The following PNPT1 variants were observed in gnomAD, a reference collection of about 807,000 sequenced individuals.
PNPT1 encodes polyribonucleotide nucleotidyltransferase 1, mitochondrial.
Under a neutral mutation model 119.5 loss-of-function variants are expected in PNPT1, and 53 were observed. The observed-to-expected ratio is 0.44, with a 90% CI of 0.36 to 0.56. PNPT1 has a LOEUF of 0.56. Ranked by LOEUF, PNPT1 falls within the 20% of genes least tolerant of loss-of-function variation. The pLI, the probability that PNPT1 is intolerant of heterozygous loss-of-function variation, is 0.00. For synonymous variants in PNPT1, 357 were observed against 322.1 expected (o/e 1.11, Z -1.16); for missense variants, 948 against 938.5 (o/e 1.01, Z -0.13).
At chr2:55,644,398 A>C (rs1304085160) in intron 23 of PNPT1, among the ~76,000 whole-genome samples, 1 of 152,194 alleles carries the variant, frequency 6.6e-6, no homozygotes, top group Admixed American at 6.5e-5. Context: ...AAAATGTTGC[A>C]AAAAAGTCCT....
intron 4 of PNPT1, among the ~76,000 whole-genome samples, chr2:55,684,486 G>C (rs1381617580): frequency 6.6e-6 from 1 of 152,166 alleles, no homozygotes; most frequent in African/African-American, 2.4e-5. Flanking sequence ...TTTCTGGGTA[G>C]AAGAGCTATA....
chr2:55,649,932 G>A (rs115860947), intron 18 of PNPT1, among the ~76,000 whole-genome samples: 304 of 152,222 alleles, frequency 2.0e-3, no homozygotes, highest in African/African-American at 7.2e-3. Flanking sequence ...CTATTCCATG[G>A]AATACTGAAT....
chr2:55,666,643 C>G (rs961743187), intron 13 of PNPT1, among the ~76,000 whole-genome samples: 1 of 152,060 alleles, frequency 6.6e-6, no homozygotes, highest in Admixed American at 6.6e-5. Flanking sequence ...AGTTTGAGAC[C>G]AGCTTGGGCA....
Position 55,660,213 on chromosome 2 carries a change from T to G in PNPT1, c.1248-20A>C, listed in dbSNP as rs770273029. The G allele has an allele frequency of 6.4e-7, 1 of 1,573,414 alleles. No individual in the cohort carries two copies. The highest frequency in any genetic ancestry group is 1.2e-5 in the South Asian group (1 of 83,668). On this transcript the variant is annotated intron_variant, in intron 14 of 27. Transcript: ENST00000447944. ...ATCCCACTAAAAATAAAAGGCATAA[T>G]ATTAAAAACATCATAGGGAAAAAAC...
chr2:55,692,363 T>A (rs1314433919), intron 1 of PNPT1, among the ~76,000 whole-genome samples: 1 of 152,176 alleles, frequency 6.6e-6, no homozygotes, highest in Non-Finnish European at 1.5e-5. Flanking sequence ...CAACTACTTA[T>A]CAAAGTTAGA....
intron 19 of PNPT1, 87 bp from the exon 20 acceptor site, chr2:55,646,573 T>A: frequency 9.4e-7 from 1 of 1,063,870 alleles, no homozygotes; most frequent in Non-Finnish European, 1.4e-6. Context: ...AAAAACAGCT[T>A]TAGAAGTAAA....
intron 18 of PNPT1, among the ~76,000 whole-genome samples, chr2:55,651,069 G>C (rs1696172841): frequency 2.7e-5 from 4 of 145,976 alleles, no homozygotes; most frequent in Admixed American, 2.7e-4. Context: ...CCAGGAGGGA[G>C]GTGGGGGGGT....
chr2:55,644,544 A>G lies in PNPT1; in HGVS notation c.1906+93T>C, dbSNP rs1405238318. 3 of 830,014 alleles carry G rather than the reference A, an allele frequency of 3.6e-6. No individual in the cohort carries two copies. The African/African-American group carries it at 5.2e-5, about 15-fold the overall frequency. The allele number at this position is 830,014 out of a possible 1,614,324, so 51.4% of individuals were successfully genotyped here. On this transcript the variant is annotated intron_variant, in intron 23 of 27. Coordinates refer to ENST00000447944, the MANE Select transcript of PNPT1 (RefSeq NM_033109.5). ...GGTCTTTCTCTCATTTCTCAAATAAATATATATTTAAAGCAACATACTAGA... is the reference window on the plus strand; with the variant it reads ...GGTCTTTCTCTCATTTCTCAAATAAGTATATATTTAAAGCAACATACTAGA...
intron 8 of PNPT1, 69 bp downstream of exon 8, chr2:55,679,613 A>T: frequency 1.8e-6 from 2 of 1,141,714 alleles, no homozygotes; most frequent in Non-Finnish European, 2.6e-6. Context: ...CACAGAGTTT[A>T]AATTCAGTTT....
At chr2:55,681,908 G>A (rs1697260337) in intron 5 of PNPT1, among the ~76,000 whole-genome samples, 1 of 151,076 alleles carries the variant, frequency 6.6e-6, no homozygotes, top group African/African-American at 2.4e-5. Flanking sequence ...TTGGGAGGCT[G>A]AGGCGGGCAG....
At chr2:55,666,129 A>G (rs954095442) in intron 13 of PNPT1, among the ~76,000 whole-genome samples, 2 of 152,230 alleles carry the variant, frequency 1.3e-5, no homozygotes, top group Non-Finnish European at 1.5e-5. Flanking sequence ...ATAATTCTAG[A>G]AAATGCAAAC....
At chr2:55,690,904 G>C (rs931901455) in intron 1 of PNPT1, among the ~76,000 whole-genome samples, 1 of 152,180 alleles carries the variant, frequency 6.6e-6, no homozygotes, top group African/African-American at 2.4e-5. Flanking sequence ...TAGTATCACA[G>C]ACCTGCAACA....
intron 13 of PNPT1, among the ~76,000 whole-genome samples, chr2:55,664,149 T>C (rs1696663521): frequency 6.6e-6 from 1 of 152,246 alleles, no homozygotes; most frequent in African/African-American, 2.4e-5. Context: ...ATTACTTCTT[T>C]AAAATACATG....
Position 55,693,772 on chromosome 2 carries a change from C to T in PNPT1, c.52G>A (p.Asp18Asn). The T allele has an allele frequency of 1.2e-6, 2 of 1,614,112 alleles. No individual in the cohort carries two copies. Among genetic ancestry groups the T allele is most frequent in the African/African-American group, 1.3e-5 (1 of 75,070 alleles). The change falls in exon 1 of 28, where the codon GAT (aspartate) becomes AAT (asparagine). Residue 18 changes from aspartate to asparagine, a missense_variant. Transcript: ENST00000447944. Reference protein sequence around the residue: ...CSCLRLRPLSDGPFLLPRRDR... With the variant: ...CSCLRLRPLSNGPFLLPRRDR... ...CGCCGTGGCAGAAGGAAAGGACCAT[C>T]GCTCAGGGGCCGGAGCCGGAGGCAC... is the stretch of plus-strand genomic sequence containing the variant.
At position 55,666,943 on chromosome 2, in the gene PNPT1, T is replaced by G. The variant is rs369971658; in HGVS notation, c.1176+48A>C. 3.2e-6 allele frequency: 4 copies of G among 1,269,518 alleles called. No individual in the cohort carries two copies. The African/African-American group carries it at 6.1e-5, about 19-fold the overall frequency. 78.6% of individuals were successfully genotyped at this position (1,269,518 alleles called of 1,614,324 possible). On this transcript the variant is annotated intron_variant, in intron 13 of 27. Coordinates refer to ENST00000447944, the MANE Select transcript of PNPT1 (RefSeq NM_033109.5). ...CTAATGTACTTCTATTAGATCTAAT[T>G]AAACAATCTTAATTTAGCAAATAAT...
intron 8 of PNPT1, among the ~76,000 whole-genome samples, chr2:55,678,617 T>A (rs916060422): frequency 6.6e-6 from 1 of 152,192 alleles, no homozygotes; most frequent in African/African-American, 2.4e-5. Flanking sequence ...CGAGGCCACA[T>A]CTTGAGGATA....
intron 1 of PNPT1, among the ~76,000 whole-genome samples, chr2:55,691,886 T>A (rs1414864988): frequency 4.7e-3 from 154 of 32,998 alleles, no homozygotes; most frequent in Middle Eastern, 0.013. Flanking sequence ...ATATTTTTTT[T>A]TTTTTTTTTT....
chr2:55,642,997 A>C (rs552999570), intron 25 of PNPT1, among the ~76,000 whole-genome samples, 161 bp downstream of exon 25: 17 of 152,288 alleles, frequency 1.1e-4, no homozygotes, highest in Admixed American at 4.6e-4. Context: ...GTGTGCTTGT[A>C]GTCCTAAATA....
rs1340851603 is a variant in PNPT1 at position 55,636,311 on chromosome 2, C to G, written c.2278G>C (p.Val760Leu). 6.2e-7 allele frequency: 1 copy of G among 1,613,972 alleles called. No homozygotes were observed. Among genetic ancestry groups the G allele is most frequent in the Non-Finnish European group, 8.5e-7 (1 of 1,179,948 alleles). The change falls in exon 28 of 28, where the codon GTC (valine) becomes CTC (leucine). Residue 760 changes from valine (V) to leucine (L), a missense_variant. By Grantham distance (32) the Val-to-Leu change is conservative (BLOSUM62 1). Coordinates refer to ENST00000447944, the MANE Select transcript of PNPT1 (RefSeq NM_033109.5). ...CTACTTCTGTCATTCAAAGTTCTGA[C>G]CACGGTTGTAGCTGGCGACTGAAGC... ...KVLQSPATTV[V>L]RTLNDRSSIV...
Sources: gnomAD v4.1 joint callset for allele counts (sites outside exome capture counted in the v4.1 genomes callset) on GRCh38, gnomAD v4.1.1 for gene constraint, MANE v1.5 for transcripts, NCBI Gene and HGNC (gene_info 2026-07-23, HGNC 2026-07-21) for gene names.